KRTCAP2: variants seen among roughly 807,000 people sequenced by gnomAD.
KRTCAP2 encodes the protein keratinocyte associated protein 2.
A neutral mutation model predicts 16.5 loss-of-function variants in KRTCAP2; 10 were observed. The observed-to-expected ratio is 0.60, with a 90% CI of 0.37 to 1.02. The LOEUF (loss-of-function observed/expected upper bound fraction) is 1.02, where lower values mean the gene tolerates loss of function less well. KRTCAP2 is among the 50% of genes least tolerant of loss of function. The probability of loss-of-function intolerance (pLI) is 0.01; values close to 1 mark genes in which losing one functional copy is unlikely to be tolerated. For synonymous variants in KRTCAP2, 68 were observed against 69.8 expected (o/e 0.97, Z 0.13); for missense variants, 152 against 159.6 (o/e 0.95, Z 0.26).
Position 155,172,870 on chromosome 1 carries a change from C to T in KRTCAP2, c.27G>A (p.Leu9=). The T allele has an allele frequency of 6.2e-7, 1 of 1,614,088 alleles. No homozygotes were observed. The highest frequency in any genetic ancestry group is 8.5e-7 in the Non-Finnish European group (1 of 1,180,032). The change falls in exon 2 of 5, where the codon CTG becomes CTA. Residue 9 remains leucine, a synonymous_variant. Coordinates refer to ENST00000295682, the MANE Select transcript of KRTCAP2 (RefSeq NM_173852.4). MVVGTGTS[L]ALSSLLSLLL... ...GCAGGGACAGGAGGGAGGAGAGCGC[C>T]AGCGAGGTGCCCGTACCCACCACTG...
chr1:155,170,970 G>T (rs777076573), intron 3 of KRTCAP2: 2 of 152,066 alleles, frequency 1.3e-5, no homozygotes, highest in Non-Finnish European at 2.9e-5. Flanking sequence ...CACCATGCCC[G>T]GCTAATTTTT....
At chr1:155,172,528 A>C (rs1389113498) in intron 3 of KRTCAP2, 37 bp downstream of exon 3, 1 of 1,614,078 alleles carries the variant, frequency 6.2e-7, no homozygotes, top group Non-Finnish European at 8.5e-7. Context: ...GTTAAAGAGG[A>C]GAAAGTTCAA....
At chr1:155,169,731 G>GT in intron 4 of KRTCAP2, 60 bp downstream of exon 4, 1 of 1,443,122 alleles carries the variant, frequency 6.9e-7, no homozygotes, top group Non-Finnish European at 9.6e-7. Context: ...CACCATCACA[G>GT]TAAGATCCAA....
rs1427580170 is a variant in KRTCAP2 at position 155,169,484 on chromosome 1, G to A, written c.367C>T (p.Leu123Phe). 2 of 1,614,104 alleles carry A rather than the reference G, an allele frequency of 1.2e-6. No homozygotes were observed. Among genetic ancestry groups the A allele is most frequent in the Non-Finnish European group, 8.5e-7 (1 of 1,179,948 alleles). ...TTGCCTGTGACCTTGGCTGGTGTGA[G>A]GACTGGAGCTGCTGCCTGGTACAGG... The part of the protein sequence containing the change: ...STLYQAAAPV[L>F]TPAKVTGKSK... The change falls in exon 5 of 5, where the codon CTC becomes TTC. Residue 123 changes from leucine (L) to phenylalanine (F), a missense_variant. Coordinates refer to ENST00000295682, the MANE Select transcript of KRTCAP2 (RefSeq NM_173852.4).
chr1:155,172,942 G>A (rs780930993), intron 1 of KRTCAP2, 50 bp from the exon 2 acceptor site: 42 of 1,592,476 alleles, frequency 2.6e-5, no homozygotes, highest in Non-Finnish European at 3.5e-5. Context: ...CCCTCCCTCC[G>A]GCAAGCTACG....
chr1:155,171,645 C>CCCA (rs2147767897), intron 3 of KRTCAP2: 1 of 907,140 alleles, frequency 1.1e-6, no homozygotes, highest in South Asian at 5.1e-5. Context: ...ATCACTTGAG[C>CCCA]CCAGGAGTTC....
intron 3 of KRTCAP2, chr1:155,171,847 C>CA (rs56344097): frequency 0.11 from 71,817 of 649,384 alleles, 205 homozygotes; most frequent in Non-Finnish European, 0.11. Context: ...AGCCTTGTCT[C>CA]AAAAAAAAAA....
intron 2 of KRTCAP2, 38 bp from the exon 3 acceptor site, chr1:155,172,666 G>C: frequency 6.2e-7 from 1 of 1,614,068 alleles, no homozygotes; most frequent in Non-Finnish European, 8.5e-7. Flanking sequence ...GTGCAACGGG[G>C]ACAGAGCTGT....
chr1:155,172,645 A>G lies in KRTCAP2; in HGVS notation c.160-17T>C. The G allele has an allele frequency of 6.2e-7, 1 of 1,614,226 alleles. No individual in the cohort carries two copies. Among genetic ancestry groups the G allele is most frequent in the Non-Finnish European group, 8.5e-7 (1 of 1,180,036 alleles). On this transcript the variant is annotated splice_polypyrimidine_tract_variant and intron_variant, in intron 2 of 4. Coordinates refer to ENST00000295682, the MANE Select transcript of KRTCAP2 (RefSeq NM_173852.4). ...ATTGAAGGCCTGGTTGAGGGAGTTA[A>G]GGAGTAGGGTGTGCAACGGGGACAG... is the stretch of plus-strand genomic sequence containing the variant.
Position 155,169,627 on chromosome 1 carries a change from A to G in KRTCAP2, c.291-67T>C, listed in dbSNP as rs1665178503. 20 of 1,549,144 alleles carry G rather than the reference A, an allele frequency of 1.3e-5. No individual in the cohort carries two copies. The South Asian group carries it at 2.2e-4, about 17-fold the overall frequency. On this transcript the variant is annotated intron_variant, in intron 4 of 4. Coordinates refer to ENST00000295682, the MANE Select transcript of KRTCAP2 (RefSeq NM_173852.4). ...CTGCCAGCCTGGTGCCTCCTAGGGA[A>G]GACACTAGCATCAAGGAAAGAATCC...
At chr1:155,171,993 T>TA (rs1191041865) in intron 3 of KRTCAP2, 1 of 988,358 alleles carries the variant, frequency 1.0e-6, no homozygotes, top group African/African-American at 1.7e-5. Context: ...CCTTGACACT[T>TA]AATTTGCTTT....
In KRTCAP2 at chr1:155,172,911, G is replaced by A. The variant is rs1571720525; in HGVS notation, c.5-19C>T. Reference sequence around the variant, plus strand: ...CCCACCACTGGAGGGGATGGGAGAAGGGACGGAGAGTCAGGCTCCGCCCTC... The same window carrying A: ...CCCACCACTGGAGGGGATGGGAGAAAGGACGGAGAGTCAGGCTCCGCCCTC... On this transcript the variant is annotated intron_variant, in intron 1 of 4. Coordinates refer to ENST00000295682, the MANE Select transcript of KRTCAP2 (RefSeq NM_173852.4). 1.9e-6 allele frequency: 3 copies of A among 1,612,464 alleles called. No homozygotes were observed. Among genetic ancestry groups the A allele is most frequent in the Non-Finnish European group, 2.5e-6 (3 of 1,179,338 alleles).
chr1:155,169,689 G>T, intron 4 of KRTCAP2, 102 bp downstream of exon 4: 1 of 1,362,966 alleles, frequency 7.3e-7, no homozygotes, highest in Non-Finnish European at 1.0e-6. Flanking sequence ...GGAGAACAGA[G>T]AGAGAGGTAG....
chr1:155,171,847 CA>C (rs56344097), intron 3 of KRTCAP2: 121,852 of 646,230 alleles, frequency 0.19, 10 homozygotes, highest in Non-Finnish European at 0.2. Context: ...AGCCTTGTCT[CA>C]AAAAAAAAAA....
intron 1 of KRTCAP2, 60 bp from the exon 2 acceptor site, chr1:155,172,952 G>C (rs376639701): frequency 9.5e-6 from 15 of 1,572,004 alleles, no homozygotes; most frequent in Admixed American, 5.3e-5. Context: ...GGCAAGCTAC[G>C]GGCAGATCAG....
At chr1:155,172,279 A>G in intron 3 of KRTCAP2, 5 of 1,279,428 alleles carry the variant, frequency 3.9e-6, no homozygotes, top group Non-Finnish European at 5.0e-6. Context: ...CCTCCCAGCG[A>G]ATAGATGCAA....
rs778280705 is a variant in KRTCAP2, at chr1:155,169,866, G to A, written c.224-9C>T. 1.9e-6 allele frequency: 3 copies of A among 1,577,322 alleles called. No individual in the cohort carries two copies. Among genetic ancestry groups the A allele is most frequent in the Non-Finnish European group, 2.6e-6 (3 of 1,158,702 alleles). Reference sequence around the variant, plus strand: ...CAGGAGGCACAGGAGAACTAGGGAGGCAAGAAGAACAAGGAGGGCAACGGT... The same window carrying A: ...CAGGAGGCACAGGAGAACTAGGGAGACAAGAAGAACAAGGAGGGCAACGGT... On this transcript the variant is annotated splice_polypyrimidine_tract_variant and intron_variant, in intron 3 of 4. Coordinates refer to ENST00000295682, the MANE Select transcript of KRTCAP2 (RefSeq NM_173852.4).
intron 3 of KRTCAP2, chr1:155,171,997 T>G (rs980338032): frequency 5.6e-5 from 55 of 988,286 alleles, no homozygotes; most frequent in Non-Finnish European, 6.6e-5. Context: ...GACACTTAAT[T>G]TGCTTTATAA....
chr1:155,171,430 A>G, intron 3 of KRTCAP2: 1 of 982,898 alleles, frequency 1.0e-6, no homozygotes, highest in Non-Finnish European at 1.2e-6. Flanking sequence ...AAAAAAAAAA[A>G]AAAAAGAAGC....
Sources: gnomAD v4.1 joint callset for allele counts on GRCh38, gnomAD v4.1.1 for gene constraint, MANE v1.5 for transcripts, NCBI Gene and HGNC (gene_info 2026-07-23, HGNC 2026-07-21) for gene names.